AFAP1: variants seen among roughly 807,000 people sequenced by gnomAD.
AFAP1 encodes actin filament associated protein 1.
AFAP1 carries 75 observed loss-of-function variants against 93.9 expected under a neutral mutation model. The ratio of observed to expected loss-of-function variants is 0.80; its 90% CI spans 0.66 to 0.97. The LOEUF is 0.97. Among genes scored for constraint, AFAP1 ranks in the 50% least tolerant of loss-of-function variants. AFAP1 has a pLI of 0.00. For synonymous variants in AFAP1, 517 were observed against 430.7 expected, an observed-to-expected ratio of 1.20 and a Z score of -2.48; for missense variants, 1,201 against 1,050.8, an observed-to-expected ratio of 1.14 and a Z score of -1.98.
At chr4:7,935,974 C>T (rs964353857) in intron 1 of AFAP1, among the ~76,000 whole-genome samples, 1 of 152,054 alleles carries the variant, frequency 6.6e-6, no homozygotes, top group Non-Finnish European at 1.5e-5. Flanking sequence ...ATCTAGAAAA[C>T]CATAAAGAAA....
At chr4:7,768,070 G>T (rs1009533873) in intron 17 of AFAP1, among the ~76,000 whole-genome samples, 2 of 152,174 alleles carry the variant, frequency 1.3e-5, no homozygotes, top group Non-Finnish European at 2.9e-5. Flanking sequence ...GCGAGGCCCT[G>T]CCTCAAAAAA....
rs375557219 is a variant in AFAP1, at chr4:7,871,934, C to A, written c.127+18G>T. On this transcript the variant is annotated intron_variant, in intron 2 of 17. Transcript: ENST00000420658. ...AGACACTGTAAGAAGGAAAAGCAGGCGTCAGAATGAGACTCACCTTTGGAT... is the reference window on the plus strand; with the variant it reads ...AGACACTGTAAGAAGGAAAAGCAGGAGTCAGAATGAGACTCACCTTTGGAT... 1.6e-5 allele frequency: 25 copies of A among 1,612,730 alleles called. No homozygotes were observed. The South Asian group carries it at 2.7e-4, about 17-fold the overall frequency.
chr4:7,797,682 AAC>A (rs1288394831), intron 10 of AFAP1, among the ~76,000 whole-genome samples: 1 of 152,210 alleles, frequency 6.6e-6, no homozygotes. Context: ...TGATAGGAAT[AAC>A]TAGAAAAACC....
intron 1 of AFAP1, among the ~76,000 whole-genome samples, chr4:7,923,556 G>A (rs995601006): frequency 1.3e-5 from 2 of 152,164 alleles, no homozygotes; most frequent in Admixed American, 1.3e-4. Flanking sequence ...TTGGCTCACT[G>A]CAACCTCCGA....
At position 7,800,648 on chromosome 4, in the gene AFAP1, G is replaced by C. The variant is rs776875056; in HGVS notation, c.1060C>G (p.Leu354Val). Residue 354 changes from leucine to valine, a missense_variant, in exon 10 of 18, where the codon CTG (leucine) becomes GTG (valine). Physicochemically the swap from Leu to Val is conservative, Grantham distance 32. Coordinates refer to ENST00000420658, the MANE Select transcript of AFAP1 (RefSeq NM_001134647.2). ...AEEDVPTCGY[L>V]NVLSNSRWRE... ...CAGCGGCTGTTGGAGAGCACGTTCA[G>C]ATAGCCTGCGGAGACACAAGGCCAC... 6.2e-7 allele frequency: 1 copy of C among 1,614,178 alleles called. No homozygotes were observed. The highest frequency in any genetic ancestry group is 8.5e-7 in the Non-Finnish European group (1 of 1,180,028).
At chr4:7,840,361 T>A (rs1056018218) in intron 5 of AFAP1, among the ~76,000 whole-genome samples, 6 of 150,534 alleles carry the variant, frequency 4.0e-5, no homozygotes, top group African/African-American at 1.5e-4. Context: ...GTGCCCAGGC[T>A]GAAGTTCAGT....
At chr4:7,809,901 C>G in intron 8 of AFAP1, 138 bp from the exon 9 acceptor site, 1 of 980,212 alleles carries the variant, frequency 1.0e-6, no homozygotes, top group East Asian at 2.7e-5. Flanking sequence ...ACTCTGTCCC[C>G]TGGCTGGAGT....
intron 1 of AFAP1, among the ~76,000 whole-genome samples, chr4:7,908,774 T>C (rs1719565383): frequency 1.3e-5 from 2 of 152,234 alleles, no homozygotes; most frequent in Admixed American, 1.3e-4. Context: ...CACCTGTTCT[T>C]GTCTGGATGA....
chr4:7,917,813 C>T (rs139396908), intron 1 of AFAP1, among the ~76,000 whole-genome samples: 60 of 152,330 alleles, frequency 3.9e-4, no homozygotes, highest in African/African-American at 1.4e-3. Context: ...ATTAGCTTTC[C>T]TCCTGCGTCT....
At chr4:7,763,827 A>T in intron 17 of AFAP1, 36 bp from the exon 18 acceptor site, 1 of 1,551,086 alleles carries the variant, frequency 6.4e-7, no homozygotes, top group South Asian at 1.2e-5. Context: ...TGGACAGGGC[A>T]AGAGGATCAG....
chr4:7,844,282 AAG>A (rs146569362), intron 4 of AFAP1, among the ~76,000 whole-genome samples: 107 of 147,512 alleles, frequency 7.3e-4, no homozygotes, highest in Non-Finnish European at 6.5e-4. Context: ...GTCTTTTAAG[AAG>A]AGAGAGAGAG....
chr4:7,772,673 C>T, intron 16 of AFAP1, 147 bp downstream of exon 16: 1 of 693,998 alleles, frequency 1.4e-6, no homozygotes, highest in Non-Finnish European at 2.3e-6. Flanking sequence ...GTGTCTGATG[C>T]TAACACATGA....
intron 1 of AFAP1, among the ~76,000 whole-genome samples, chr4:7,876,719 C>T (rs1396195452): frequency 6.6e-6 from 1 of 152,184 alleles, no homozygotes; most frequent in Non-Finnish European, 1.5e-5. Flanking sequence ...ATATTTGTAT[C>T]ATTCTAATAA....
intron 1 of AFAP1, among the ~76,000 whole-genome samples, chr4:7,937,472 G>A (rs62290602): frequency 0.075 from 11,436 of 152,250 alleles, 615 homozygotes; most frequent in Non-Finnish European, 0.11. Context: ...AGAGCCGGAC[G>A]TAGACCCAGT....
intron 3 of AFAP1, among the ~76,000 whole-genome samples, chr4:7,859,991 A>G (rs1009977836): frequency 3.9e-5 from 6 of 152,028 alleles, no homozygotes; most frequent in Non-Finnish European, 8.8e-5. Flanking sequence ...AAAAATACAA[A>G]AATTAGCCAG....
intron 8 of AFAP1, among the ~76,000 whole-genome samples, chr4:7,813,197 C>T (rs1326376206): frequency 1.3e-5 from 2 of 152,152 alleles, no homozygotes; most frequent in Admixed American, 1.3e-4. Flanking sequence ...GTCTGAGTTA[C>T]CACATGGCTG....
chr4:7,873,789 A>C (rs1028558614), intron 1 of AFAP1, among the ~76,000 whole-genome samples: 3 of 152,184 alleles, frequency 2.0e-5, no homozygotes, highest in Non-Finnish European at 4.4e-5. Context: ...CACTTGTTGC[A>C]CACAGCACTA....
chr4:7,831,393 T>TAAA (rs34512873), intron 6 of AFAP1, among the ~76,000 whole-genome samples: 10 of 137,836 alleles, frequency 7.3e-5, no homozygotes, highest in South Asian at 2.4e-4. Flanking sequence ...CAGCAAATGC[T>TAAA]AAAAAAAAAA....
At chr4:7,792,602 TAAAA>T (rs200223297) in intron 11 of AFAP1, among the ~76,000 whole-genome samples, 1 of 151,444 alleles carries the variant, frequency 6.6e-6, no homozygotes, top group East Asian at 1.9e-4. Context: ...AAAGTAAAAA[TAAAA>T]AAAAATCAAG....
Sources: gnomAD v4.1 joint callset for allele counts (sites outside exome capture counted in the v4.1 genomes callset) on GRCh38, gnomAD v4.1.1 for gene constraint, MANE v1.5 for transcripts, NCBI Gene and HGNC (gene_info 2026-07-23, HGNC 2026-07-21) for gene names.